ARHGAP12: variants seen among roughly 807,000 people sequenced by gnomAD.
ARHGAP12 encodes Rho GTPase activating protein 12.
Under a neutral mutation model 108.6 loss-of-function variants are expected in ARHGAP12, and 64 were observed. That is an observed-to-expected ratio of 0.59 (90% CI 0.48 to 0.73). The LOEUF (loss-of-function observed/expected upper bound fraction) is 0.73. ARHGAP12 is among the 30% of genes least tolerant of loss of function. The pLI is 0.00. For missense variants in ARHGAP12, 940 were observed against 1,005.9 expected, an observed-to-expected ratio of 0.93 and a Z score of 0.89; for synonymous variants, 312 against 337.2, an observed-to-expected ratio of 0.93 and a Z score of 0.82.
intron 9 of ARHGAP12, among the ~76,000 whole-genome samples, chr10:31,833,036 G>C (rs1232941392): frequency 6.6e-6 from 1 of 151,722 alleles, no homozygotes; most frequent in Admixed American, 6.6e-5. Context: ...TAACACAATT[G>C]TAAGTATGTG....
intron 3 of ARHGAP12, among the ~76,000 whole-genome samples, chr10:31,893,486 G>C (rs1838545007): frequency 6.6e-6 from 1 of 152,264 alleles, no homozygotes; most frequent in African/African-American, 2.4e-5. Flanking sequence ...AAATAAACTA[G>C]AAAATCTAGA....
intron 3 of ARHGAP12, among the ~76,000 whole-genome samples, chr10:31,896,539 T>C (rs1838704874): frequency 6.6e-6 from 1 of 152,080 alleles, no homozygotes; most frequent in East Asian, 1.9e-4. Flanking sequence ...GATCATACTT[T>C]CTAATGATAG....
At chr10:31,826,223 G>T (rs1835599902) in intron 11 of ARHGAP12, 81 bp downstream of exon 11, 5 of 1,121,864 alleles carry the variant, frequency 4.5e-6, no homozygotes, top group South Asian at 3.2e-5. Context: ...AAGGACTCTG[G>T]AAATTACCTC....
At chr10:31,895,613 G>C (rs1226065772) in intron 3 of ARHGAP12, among the ~76,000 whole-genome samples, 1 of 152,234 alleles carries the variant, frequency 6.6e-6, no homozygotes, top group Non-Finnish European at 1.5e-5. Context: ...AGAGGATGTA[G>C]AGAAATAGGA....
intron 3 of ARHGAP12, among the ~76,000 whole-genome samples, chr10:31,897,685 A>G (rs1273435342): frequency 5.9e-5 from 9 of 152,200 alleles, no homozygotes; most frequent in African/African-American, 2.2e-4. Flanking sequence ...TTCAGTTCCT[A>G]TCACCTGATA....
intron 3 of ARHGAP12, among the ~76,000 whole-genome samples, chr10:31,885,515 T>C (rs1006455454): frequency 2.0e-5 from 3 of 152,162 alleles, no homozygotes; most frequent in African/African-American, 7.2e-5. Flanking sequence ...TCCACTGTTA[T>C]GCTATATAAA....
rs1358928218 is a variant in ARHGAP12, at chr10:31,920,465, A to AAAG, written c.-111+8217_-111+8218insCTT. ...ACTCCGTCTCAAAAAAAAAAAAAAA[A>AAAG]AAAAAAGAAAACTGAAAAGTAGCAC... On this transcript the variant is annotated intron_variant, in intron 1 of 19. Transcript: ENST00000344936. Among the ~76,000 whole-genome samples, 22 of 151,168 alleles carry AAAG rather than the reference A, an allele frequency of 1.5e-4. 1 individual carries two copies. In the South Asian group the frequency reaches 2.3e-3, roughly 16 times the overall value.
At chr10:31,914,520 A>C (rs1414377021) in intron 1 of ARHGAP12, among the ~76,000 whole-genome samples, 1 of 152,220 alleles carries the variant, frequency 6.6e-6, no homozygotes, top group African/African-American at 2.4e-5. Flanking sequence ...GAAGACACAC[A>C]AAAAGCCAAT....
At chr10:31,928,195 CACA>C (rs1564442682) in intron 1 of ARHGAP12, among the ~76,000 whole-genome samples, 1 of 151,902 alleles carries the variant, frequency 6.6e-6, no homozygotes, top group Admixed American at 6.6e-5. Context: ...CACACACACA[CACA>C]CCCGCCTTTT....
intron 1 of ARHGAP12, among the ~76,000 whole-genome samples, chr10:31,928,102 T>C (rs1840128479): frequency 6.6e-6 from 1 of 151,620 alleles, no homozygotes; most frequent in Non-Finnish European, 1.5e-5. Flanking sequence ...CCCGGGTGGG[T>C]GGAGGCCTGC....
chr10:31,807,955 G>T (rs758726937), intron 19 of ARHGAP12, 123 bp from the exon 20 acceptor site: 1 of 658,862 alleles, frequency 1.5e-6, no homozygotes, highest in Non-Finnish European at 2.3e-6. Context: ...TTCCTAAGGT[G>T]ATGCATAAAC....
intron 3 of ARHGAP12, among the ~76,000 whole-genome samples, chr10:31,882,256 A>T (rs540941853): frequency 6.6e-5 from 10 of 152,174 alleles, no homozygotes; most frequent in Non-Finnish European, 1.5e-4. Flanking sequence ...GCCAGAGCCT[A>T]CCTAACCAAA....
In ARHGAP12 at chr10:31,805,452, A is replaced by G. The variant is rs1467524532; in HGVS notation, c.*2206T>C. 3 of 152,144 alleles carry G rather than the reference A, an allele frequency of 2.0e-5. No individual in the cohort carries two copies. Among genetic ancestry groups the G allele is most frequent in the African/African-American group, 4.8e-5 (2 of 41,418 alleles). 9.4% of individuals were successfully genotyped at this position (152,144 alleles called of 1,614,324 possible). ...TACTAACAAATAAAATTCCACTGATAATTTATTTCAGCTTTTAATATATTT... is the reference window on the plus strand; with the variant it reads ...TACTAACAAATAAAATTCCACTGATGATTTATTTCAGCTTTTAATATATTT... On this transcript the variant is annotated 3_prime_UTR_variant, in exon 20 of 20. Transcript: ENST00000344936.
intron 11 of ARHGAP12, 88 bp downstream of exon 11, chr10:31,826,216 G>T: frequency 2.0e-6 from 2 of 990,318 alleles, no homozygotes; most frequent in South Asian, 1.7e-5. Flanking sequence ...TAACTATAAG[G>T]ACTCTGGAAA....
At chr10:31,925,126 A>G (rs1266729737) in intron 1 of ARHGAP12, among the ~76,000 whole-genome samples, 1 of 152,172 alleles carries the variant, frequency 6.6e-6, no homozygotes, top group Non-Finnish European at 1.5e-5. Context: ...GAATTAAGTA[A>G]ATGTGTGTAA....
chr10:31,809,128 T>C lies in ARHGAP12; in HGVS notation c.2129A>G (p.Asp710Gly). 3 of 1,613,238 alleles carry C rather than the reference T, an allele frequency of 1.9e-6. No individual in the cohort carries two copies. The highest frequency in any genetic ancestry group is 2.5e-6 in the Non-Finnish European group (3 of 1,179,654). ...IQKLRFAVNH[D>G]EKLDLNDSKW... ...ACTGTCATTCAAGTCCAATTTCTCA[T>C]CTGAAAAACAGCAGGAATTGGACAT... Residue 710 changes from aspartate to glycine, a missense_variant and splice_region_variant, in exon 18 of 20, where the codon GAT becomes GGT. By Grantham distance (94) the Asp-to-Gly change is moderately conservative. Transcript: ENST00000344936.
chr10:31,835,847 T>C (rs372393760), intron 9 of ARHGAP12, among the ~76,000 whole-genome samples: 39 of 152,208 alleles, frequency 2.6e-4, no homozygotes, highest in African/African-American at 9.1e-4. Context: ...GGCAGGGGAC[T>C]GGGGAGGGTG....
At chr10:31,814,080 G>A (rs1306606329) in intron 14 of ARHGAP12, among the ~76,000 whole-genome samples, 179 bp downstream of exon 14, 4 of 152,102 alleles carry the variant, frequency 2.6e-5, no homozygotes, top group African/African-American at 2.4e-5. Context: ...GCTGAAAAAC[G>A]ACAATAATGA....
At chr10:31,889,022 G>C (rs1379184893) in intron 3 of ARHGAP12, among the ~76,000 whole-genome samples, 1 of 151,982 alleles carries the variant, frequency 6.6e-6, no homozygotes, top group Non-Finnish European at 1.5e-5. Context: ...TGATTCTCCT[G>C]CCTCAGCCTC....
Sources: allele counts gnomAD v4.1 joint callset (sites outside exome capture counted in the v4.1 genomes callset), GRCh38; gene constraint gnomAD v4.1.1; transcripts MANE v1.5; gene names NCBI Gene and HGNC (gene_info 2026-07-23, HGNC 2026-07-21).